EBF1: variants seen among roughly 807,000 people sequenced by gnomAD.
EBF1 encodes transcription factor COE1.
EBF1 carries 10 observed loss-of-function variants against 68.4 expected under a neutral mutation model. The ratio of observed to expected loss-of-function variants is 0.15; its 90% CI spans 0.09 to 0.25. EBF1 has a LOEUF of 0.25. Ranked by LOEUF, EBF1 falls within the 10% of genes least tolerant of loss-of-function variation. EBF1 has a pLI of 1.00. For synonymous variants in EBF1, 298 were observed against 299.8 expected (o/e 0.99, Z 0.06); for missense variants, 509 against 794.4 (o/e 0.64, Z 4.32).
chr5:159,069,673 T>G (rs1354825437), intron 6 of EBF1, among the ~76,000 whole-genome samples: 1 of 152,166 alleles, frequency 6.6e-6, no homozygotes, highest in Non-Finnish European at 1.5e-5. Flanking sequence ...GGTTCCCAAT[T>G]CAGACTACCC....
intron 6 of EBF1, among the ~76,000 whole-genome samples, chr5:159,018,273 CCAA>C (rs1314842220): frequency 4.6e-5 from 7 of 152,232 alleles, no homozygotes; most frequent in African/African-American, 1.2e-4. Context: ...TATCAACACA[CCAA>C]CAACAGTGGC....
At chr5:158,921,844 T>C (rs1808505666) in intron 6 of EBF1, among the ~76,000 whole-genome samples, 2 of 152,242 alleles carry the variant, frequency 1.3e-5, no homozygotes, top group African/African-American at 4.8e-5. Flanking sequence ...TGGGGAAAGA[T>C]TCCCTGGCAC....
chr5:158,802,268 A>G (rs1393864939), intron 8 of EBF1, among the ~76,000 whole-genome samples: 1 of 152,132 alleles, frequency 6.6e-6, no homozygotes, highest in African/African-American at 2.4e-5. Context: ...GTGACAATCG[A>G]TGTGACATTA....
At chr5:158,910,414 T>C (rs1360382991) in intron 6 of EBF1, among the ~76,000 whole-genome samples, 1 of 152,226 alleles carries the variant, frequency 6.6e-6, no homozygotes, top group Non-Finnish European at 1.5e-5. Context: ...AACCAGCATA[T>C]GGATATGCTG....
intron 6 of EBF1, among the ~76,000 whole-genome samples, chr5:159,008,369 C>A (rs964021688): frequency 6.6e-6 from 1 of 152,072 alleles, no homozygotes; most frequent in African/African-American, 2.4e-5. Flanking sequence ...AAAAATCACA[C>A]ACACACACAC....
intron 6 of EBF1, among the ~76,000 whole-genome samples, chr5:158,953,973 A>G (rs2127511597): frequency 6.6e-6 from 1 of 152,370 alleles, no homozygotes; most frequent in Non-Finnish European, 1.5e-5. Context: ...ATTTTTCCCA[A>G]TCTGCCTTTC....
At chr5:158,907,028 C>A (rs1804797049) in intron 6 of EBF1, among the ~76,000 whole-genome samples, 1 of 152,202 alleles carries the variant, frequency 6.6e-6, no homozygotes, top group African/African-American at 2.4e-5. Context: ...CCCAGATAGT[C>A]TAGGACTGGG....
At chr5:158,770,611 C>T (rs761876139) in intron 10 of EBF1, among the ~76,000 whole-genome samples, 5 of 152,130 alleles carry the variant, frequency 3.3e-5, no homozygotes, top group Non-Finnish European at 7.4e-5. Context: ...TTTCCAGCCT[C>T]ACTGCAATTC....
At chr5:159,094,492 A>G (rs2128003182) in intron 4 of EBF1, among the ~76,000 whole-genome samples, 1 of 152,312 alleles carries the variant, frequency 6.6e-6, no homozygotes, top group East Asian at 1.9e-4. Context: ...AGATTTTTAA[A>G]ATGCCCAACA....
chr5:158,754,323 T>C (rs1327887563), intron 10 of EBF1, among the ~76,000 whole-genome samples: 2 of 152,102 alleles, frequency 1.3e-5, no homozygotes, highest in Non-Finnish European at 2.9e-5. Context: ...TCTCTACCTG[T>C]AGCAATCAAG....
At chr5:158,807,180 G>A (rs899518714) in intron 8 of EBF1, among the ~76,000 whole-genome samples, 6 of 152,018 alleles carry the variant, frequency 3.9e-5, no homozygotes, top group African/African-American at 1.4e-4. Context: ...ACAATATAGG[G>A]GGTGCCCTCC....
At chr5:159,097,363 G>A in intron 1 of EBF1, 1 of 550,502 alleles carries the variant, frequency 1.8e-6, no homozygotes, top group South Asian at 2.6e-5. Context: ...AGAACTCGCT[G>A]AAGAGGTGTG....
chr5:158,804,542 G>A (rs778511731), intron 8 of EBF1, among the ~76,000 whole-genome samples: 5 of 152,040 alleles, frequency 3.3e-5, no homozygotes, highest in Non-Finnish European at 2.9e-5. Context: ...TTCATTACAC[G>A]GGGTTATTTG....
At chr5:159,083,228 A>G (rs1217527910) in intron 5 of EBF1, among the ~76,000 whole-genome samples, 1 of 152,250 alleles carries the variant, frequency 6.6e-6, no homozygotes, top group Non-Finnish European at 1.5e-5. Context: ...TATGGTCAAA[A>G]AGATAGTAAG....
intron 15 of EBF1, 48 bp downstream of exon 15, chr5:158,707,931 G>C: frequency 6.5e-7 from 1 of 1,530,206 alleles, no homozygotes; most frequent in South Asian, 1.2e-5. Context: ...CTGGGAGGGT[G>C]AAGTCAGGGC....
intron 10 of EBF1, among the ~76,000 whole-genome samples, chr5:158,758,587 T>C (rs1016493272): frequency 6.6e-5 from 10 of 152,350 alleles, no homozygotes; most frequent in Non-Finnish European, 7.3e-5. Context: ...GTAATCTTAA[T>C]ATTCTTTTTA....
intron 3 of EBF1, 52 bp downstream of exon 3, chr5:159,096,291 T>C: frequency 6.3e-7 from 1 of 1,579,772 alleles, no homozygotes; most frequent in Non-Finnish European, 8.6e-7. Flanking sequence ...CTGCGCCCCC[T>C]GCCCAGACCC....
At chr5:158,907,976 G>A (rs1456063292) in intron 6 of EBF1, among the ~76,000 whole-genome samples, 1 of 152,054 alleles carries the variant, frequency 6.6e-6, no homozygotes, top group Non-Finnish European at 1.5e-5. Flanking sequence ...ACTAATAGCT[G>A]TAGAAAAAGG....
At chr5:158,933,656 C>T (rs1480855923) in intron 6 of EBF1, among the ~76,000 whole-genome samples, 1 of 152,226 alleles carries the variant, frequency 6.6e-6, no homozygotes, top group Admixed American at 6.5e-5. Flanking sequence ...GTAATTCTGC[C>T]ACTTCAGGCA....
Sources: gnomAD v4.1 joint callset for allele counts (sites outside exome capture counted in the v4.1 genomes callset) on GRCh38, gnomAD v4.1.1 for gene constraint, MANE v1.5 for transcripts, NCBI Gene and HGNC (gene_info 2026-07-23, HGNC 2026-07-21) for gene names.